Variants in NPSR1 observed in about 807,000 individuals in gnomAD.
NPSR1 encodes neuropeptide S receptor 1, also known as neuropeptide S receptor.
A neutral mutation model predicts 46.9 loss-of-function variants in NPSR1; 48 were observed. That is an observed-to-expected ratio of 1.02 (90% CI 0.81 to 1.30). The LOEUF (loss-of-function observed/expected upper bound fraction) is 1.30. Ranked by LOEUF, NPSR1 falls within the 50% of genes most tolerant of loss-of-function variation. The pLI is 0.00. For synonymous variants in NPSR1, 176 were observed against 168.1 expected (o/e 1.05, Z -0.36); for missense variants, 450 against 449.5 (o/e 1.00, Z -0.01).
chr7:34,746,538 C>T (rs551304583), intron 2 of NPSR1, among the ~76,000 whole-genome samples: 1 of 152,274 alleles, frequency 6.6e-6, no homozygotes, highest in Admixed American at 6.5e-5. Flanking sequence ...ACATATCCCT[C>T]ACAGATAAGG....
intron 2 of NPSR1, among the ~76,000 whole-genome samples, chr7:34,744,550 A>G (rs1344723160): frequency 1.3e-5 from 2 of 152,200 alleles, no homozygotes; most frequent in Non-Finnish European, 2.9e-5. Flanking sequence ...ATGAATGCAG[A>G]TGGCTGGACT....
intron 5 of NPSR1, among the ~76,000 whole-genome samples, chr7:34,831,616 G>A (rs189378987): frequency 3.7e-4 from 56 of 152,236 alleles, no homozygotes; most frequent in African/African-American, 1.3e-3. Flanking sequence ...AAACCATAGT[G>A]ACTGACAGCA....
chr7:34,754,606 ATT>A (rs1785724133), intron 2 of NPSR1, among the ~76,000 whole-genome samples: 2 of 151,882 alleles, frequency 1.3e-5, no homozygotes, highest in African/African-American at 4.8e-5. Flanking sequence ...TTTATATTTT[ATT>A]TTTTCTTTTT....
At chr7:34,823,954 T>G (rs1221280939) in intron 4 of NPSR1, among the ~76,000 whole-genome samples, 1 of 152,122 alleles carries the variant, frequency 6.6e-6, no homozygotes, top group Non-Finnish European at 1.5e-5. Context: ...TATACTGGGT[T>G]CGAGATAAAA....
chr7:34,812,050 C>T (rs1203304594), intron 4 of NPSR1, among the ~76,000 whole-genome samples, 187 bp downstream of exon 4: 2 of 152,080 alleles, frequency 1.3e-5, no homozygotes, highest in East Asian at 3.9e-4. Flanking sequence ...AAAAGATGTA[C>T]AAAAGAAAAC....
At chr7:34,751,727 C>A (rs1470783353) in intron 2 of NPSR1, 26 of 1,584,058 alleles carry the variant, frequency 1.6e-5, no homozygotes, top group Non-Finnish European at 2.2e-5. Flanking sequence ...TCCTTCGGGT[C>A]CCCCTGACTG....
intron 8 of NPSR1, among the ~76,000 whole-genome samples, chr7:34,875,412 CAG>C (rs1219810408): frequency 2.0e-5 from 3 of 152,188 alleles, no homozygotes; most frequent in African/African-American, 7.2e-5. Context: ...TAACGTCTTC[CAG>C]AGAGTTTAGC....
chr7:34,796,502 T>G (rs888030342), intron 3 of NPSR1, among the ~76,000 whole-genome samples: 7 of 152,096 alleles, frequency 4.6e-5, no homozygotes, highest in Admixed American at 4.6e-4. Context: ...ACAATCTGAT[T>G]TTAAAATGGT....
At chr7:34,663,520 A>G (rs1791579607) in intron 1 of NPSR1, among the ~76,000 whole-genome samples, 1 of 152,166 alleles carries the variant, frequency 6.6e-6, no homozygotes, top group Non-Finnish European at 1.5e-5. Flanking sequence ...CCTACACAGT[A>G]AGTGGACCTC....
chr7:34,846,676 G>T (rs188312405), intron 7 of NPSR1, among the ~76,000 whole-genome samples: 1 of 152,170 alleles, frequency 6.6e-6, no homozygotes, highest in East Asian at 1.9e-4. Context: ...AATGTAAGCG[G>T]TATTACTGTC....
intron 4 of NPSR1, among the ~76,000 whole-genome samples, chr7:34,819,000 T>C (rs936699129): frequency 2.0e-5 from 3 of 152,146 alleles, no homozygotes; most frequent in Non-Finnish European, 4.4e-5. Context: ...ATTCAGGACA[T>C]AGGCATGGGC....
intron 8 of NPSR1, 122 bp downstream of exon 8, chr7:34,848,785 A>C: frequency 1.2e-6 from 1 of 828,596 alleles, no homozygotes; most frequent in Middle Eastern, 3.7e-4. Context: ...TTTATAGATG[A>C]GAGGCTTGAG....
chr7:34,789,518 C>A (rs542282784), intron 3 of NPSR1, among the ~76,000 whole-genome samples: 91 of 151,954 alleles, frequency 6.0e-4, no homozygotes, highest in Admixed American at 2.3e-3. Context: ...GTCAGCCAGG[C>A]GTAGTGGCTC....
rs562986931 is a variant in NPSR1 at position 34,760,792 on chromosome 7, T to C, written c.281-17670T>C. On this transcript the variant is annotated intron_variant, in intron 2 of 8. Coordinates refer to ENST00000360581, the MANE Select transcript of NPSR1 (RefSeq NM_207172.2). ...GATGTTTCTTGATCAAGAAAACTGA[T>C]ACTACGGAGCTTTATATTCAGTACT... is the stretch of plus-strand genomic sequence containing the variant. Among the ~76,000 whole-genome samples, 6 of 152,278 alleles carry C rather than the reference T, an allele frequency of 3.9e-5. No homozygotes were observed. The South Asian group carries it at 1.2e-3, about 32-fold the overall frequency.
At chr7:34,798,428 G>C (rs568473081) in intron 3 of NPSR1, among the ~76,000 whole-genome samples, 2 of 152,046 alleles carry the variant, frequency 1.3e-5, no homozygotes, top group Admixed American at 1.3e-4. Flanking sequence ...CCAGCTACTC[G>C]GGAGGCTGAA....
At chr7:34,699,281 A>C (rs1189391396) in intron 2 of NPSR1, among the ~76,000 whole-genome samples, 10 of 152,200 alleles carry the variant, frequency 6.6e-5, no homozygotes, top group Admixed American at 6.5e-4. Flanking sequence ...GGAGTTCAAG[A>C]CCAGCCTGAG....
At chr7:34,768,840 G>A (rs1265341147) in intron 2 of NPSR1, among the ~76,000 whole-genome samples, 4 of 152,072 alleles carry the variant, frequency 2.6e-5, no homozygotes, top group African/African-American at 9.7e-5. Context: ...TACTTAATAA[G>A]GTAAAATAAG....
At chr7:34,767,787 A>AT (rs1786502822) in intron 2 of NPSR1, among the ~76,000 whole-genome samples, 1 of 152,198 alleles carries the variant, frequency 6.6e-6, no homozygotes, top group Non-Finnish European at 1.5e-5. Flanking sequence ...AGCAGAATAA[A>AT]TTTTAAAAAG....
chr7:34,659,790 A>G (rs919414650), intron 1 of NPSR1, among the ~76,000 whole-genome samples: 2 of 152,172 alleles, frequency 1.3e-5, no homozygotes, highest in East Asian at 3.9e-4. Context: ...TCGACTGAAT[A>G]ATCCCCTTTA....
Sources: allele counts gnomAD v4.1 joint callset (sites outside exome capture counted in the v4.1 genomes callset), GRCh38; gene constraint gnomAD v4.1.1; transcripts MANE v1.5; gene names NCBI Gene and HGNC (gene_info 2026-07-23, HGNC 2026-07-21).